Variants in CCDC85C observed in about 807,000 individuals in gnomAD.
CCDC85C encodes the protein coiled-coil domain-containing protein 85C.
In CCDC85C, 18 loss-of-function variants were observed where a neutral mutation model predicts 38.3. The observed-to-expected ratio is 0.47, with a 90% CI of 0.33 to 0.70. The LOEUF (loss-of-function observed/expected upper bound fraction) is 0.70. Among genes scored for constraint, CCDC85C ranks in the 30% least tolerant of loss-of-function variants. The probability of loss-of-function intolerance (pLI) is 0.03; values close to 1 mark genes in which losing one functional copy is unlikely to be tolerated. For synonymous variants in CCDC85C, 264 were observed against 293.8 expected, an observed-to-expected ratio of 0.90 and a Z score of 1.04; for missense variants, 566 against 621.2, an observed-to-expected ratio of 0.91 and a Z score of 0.94.
At chr14:99,543,812 G>A (rs1394112389) in intron 1 of CCDC85C, among the ~76,000 whole-genome samples, 2 of 152,188 alleles carry the variant, frequency 1.3e-5, no homozygotes, top group African/African-American at 4.8e-5. Flanking sequence ...CATTATTTAT[G>A]GATGAAGGCA....
rs1896803258 is a variant in CCDC85C at position 99,500,704 on chromosome 14, T to G, written c.*14542A>C. 1.8e-6 allele frequency: 2 copies of G among 1,081,776 alleles called. No individual in the cohort carries two copies. The highest frequency in any genetic ancestry group is 2.7e-5 in the South Asian group (2 of 73,034). 67.0% of individuals were successfully genotyped at this position (1,081,776 alleles called of 1,614,324 possible). On this transcript the variant is annotated 3_prime_UTR_variant, in exon 6 of 6. Transcript: ENST00000380243. ...ATAAATAGACAGGAAAGCTCACTTT[T>G]GTAATGCTGCTTGAGACCTGCAATT... is the stretch of plus-strand genomic sequence containing the variant.
In CCDC85C at chr14:99,503,883, T is replaced by G; in HGVS notation, c.*11363A>C. On this transcript the variant is annotated 3_prime_UTR_variant, in exon 6 of 6. Coordinates refer to ENST00000380243, the MANE Select transcript of CCDC85C (RefSeq NM_001144995.2). ...TTACTGGCAATAAAAATGTACTCAG[T>G]AACATATATAAAAGTATAATTATGG... 1 of 532,718 alleles carries G rather than the reference T, an allele frequency of 1.9e-6. No individual in the cohort carries two copies. Among genetic ancestry groups the G allele is most frequent in the Non-Finnish European group, 3.3e-6 (1 of 300,360 alleles). The allele number at this position is 532,718 out of a possible 1,614,324, so 33.0% of individuals were successfully genotyped here. A position where few individuals can be genotyped will look rare whatever the true frequency, so the allele number is the denominator to read the frequency against.
intron 3 of CCDC85C, among the ~76,000 whole-genome samples, chr14:99,517,930 G>C (rs1897251006): frequency 6.6e-6 from 1 of 152,222 alleles, no homozygotes; most frequent in Admixed American, 6.5e-5. Flanking sequence ...AGGCTTGGGA[G>C]GAACTTACAA....
chr14:99,522,150 G>T lies in CCDC85C; in HGVS notation c.958C>A (p.Gln320Lys). The change falls in exon 3 of 6, where the codon CAG becomes AAG. Residue 320 changes from glutamine to lysine, a missense_variant. This residue lies in a region of CCDC85C where 286 missense variants were observed against 276.4 expected (regional missense o/e 1.03). Coordinates refer to ENST00000380243, the MANE Select transcript of CCDC85C (RefSeq NM_001144995.2). ...SQLASLPPSY[Q>K]DSLQNGPACP... Reference sequence around the variant, plus strand: ...ACACTCACGTTCTGCAGGGAGTCCTGGTAGGAGGGCGGCAGGGACGCAAGC... The same window carrying T: ...ACACTCACGTTCTGCAGGGAGTCCTTGTAGGAGGGCGGCAGGGACGCAAGC... 4 of 1,550,856 alleles carry T rather than the reference G, an allele frequency of 2.6e-6. No individual in the cohort carries two copies. Among genetic ancestry groups the T allele is most frequent in the Non-Finnish European group, 3.5e-6 (4 of 1,146,688 alleles).
At chr14:99,540,316 C>A (rs1897687353) in intron 1 of CCDC85C, among the ~76,000 whole-genome samples, 1 of 152,154 alleles carries the variant, frequency 6.6e-6, no homozygotes, top group Admixed American at 6.5e-5. Flanking sequence ...GCGTCAGTCA[C>A]CCTTGGGTCA....
chr14:99,603,071 T>C lies in CCDC85C; in HGVS notation c.793+96A>G. ...GGAGGAGTCTGGAGTGGCGGCCGCA[T>C]GAGTGGGACAGCCAGGGACCACCTC... On this transcript the variant is annotated intron_variant, in intron 1 of 5. Transcript: ENST00000380243. This position sits in a 1 kb window ranked among gnomAD's most constrained non-coding sequence, Gnocchi z 7.5. The C allele has an allele frequency of 8.0e-7, 1 of 1,248,826 alleles. No homozygotes were observed. 77.4% of individuals were successfully genotyped at this position (1,248,826 alleles called of 1,614,324 possible).
chr14:99,510,302 GCCCCCAC>G lies in CCDC85C; in HGVS notation c.*4937_*4943del. 1 of 433,122 alleles carries G rather than the reference GCCCCCAC, an allele frequency of 2.3e-6. No individual in the cohort carries two copies. Among genetic ancestry groups the G allele is most frequent in the Non-Finnish European group, 3.4e-6 (1 of 290,910 alleles). 26.8% of individuals were successfully genotyped at this position (433,122 alleles called of 1,614,324 possible). On this transcript the variant is annotated 3_prime_UTR_variant, in exon 6 of 6. Transcript: ENST00000380243. ...CACCGCCGCTGCCACACCGGCCCCC[GCCCCCAC>G]CCCCCTCCAGCTACATGACCGGGAT...
At chr14:99,593,292 G>C (rs1409272567) in intron 1 of CCDC85C, among the ~76,000 whole-genome samples, 1 of 152,266 alleles carries the variant, frequency 6.6e-6, no homozygotes. Flanking sequence ...GGAAGACAAA[G>C]AGATGCTTCC....
rs1156950641 is a variant in CCDC85C, at chr14:99,506,287, A to G, written c.*8959T>C. 2 of 152,274 alleles carry G rather than the reference A, an allele frequency of 1.3e-5. No homozygotes were observed. Among genetic ancestry groups the G allele is most frequent in the African/African-American group, 4.8e-5 (2 of 41,456 alleles). The allele number at this position is 152,274 out of a possible 1,614,324, so 9.4% of individuals were successfully genotyped here. On this transcript the variant is annotated 3_prime_UTR_variant, in exon 6 of 6. Transcript: ENST00000380243. ...TGGTGTACAAGCCAGAAGAAAGTAC[A>G]TTTCAGGAAGAAAAAGCCTCAGCAT...
At chr14:99,571,499 C>T (rs1320032270) in intron 1 of CCDC85C, among the ~76,000 whole-genome samples, 2 of 152,214 alleles carry the variant, frequency 1.3e-5, no homozygotes, top group Non-Finnish European at 1.5e-5. Context: ...AGACGCAGAC[C>T]AAAGGCCCAC....
intron 2 of CCDC85C, chr14:99,523,069 A>G (rs1172981751): frequency 6.6e-6 from 1 of 152,156 alleles, no homozygotes; most frequent in Non-Finnish European, 1.5e-5. Context: ...TTCTGGCCGA[A>G]ACACCCTTTT....
Position 99,505,230 on chromosome 14 carries a change from C to G in CCDC85C, c.*10016G>C, listed in dbSNP as rs1896945179. 6.6e-6 allele frequency: 1 copy of G among 152,306 alleles called. No individual in the cohort carries two copies. The highest frequency in any genetic ancestry group is 2.4e-5 in the African/African-American group (1 of 41,434). The allele number at this position is 152,306 out of a possible 1,614,324, so 9.4% of individuals were successfully genotyped here. A position where few individuals can be genotyped will look rare whatever the true frequency, so the allele number is the denominator to read the frequency against. On this transcript the variant is annotated 3_prime_UTR_variant, in exon 6 of 6. Coordinates refer to ENST00000380243, the MANE Select transcript of CCDC85C (RefSeq NM_001144995.2). ...AGGAATGGGGAGAATCTTGCTGGCA[C>G]TCATGGGAAACATGGTGGCCTCAGC...
At chr14:99,534,832 C>A in intron 2 of CCDC85C, 1 of 645,376 alleles carries the variant, frequency 1.5e-6, no homozygotes, top group Non-Finnish European at 2.8e-6. Context: ...CCATAGGGCA[C>A]CTGACAGCAA....
intron 5 of CCDC85C, among the ~76,000 whole-genome samples, chr14:99,515,852 C>T (rs915577816): frequency 6.6e-6 from 1 of 152,026 alleles, no homozygotes; most frequent in African/African-American, 2.4e-5. Context: ...AGCTGAGAGG[C>T]CCGGGGGCCA....
chr14:99,545,634 T>C lies in CCDC85C; in HGVS notation c.794-9546A>G, dbSNP rs1444933313. Among the ~76,000 whole-genome samples, 1 of 152,082 alleles carries C rather than the reference T, an allele frequency of 6.6e-6. No homozygotes were observed. Among genetic ancestry groups the C allele is most frequent in the Non-Finnish European group, 1.5e-5 (1 of 68,020 alleles). On this transcript the variant is annotated intron_variant, in intron 1 of 5. Coordinates refer to ENST00000380243, the MANE Select transcript of CCDC85C (RefSeq NM_001144995.2). The surrounding 1 kb of genome is among the most constrained non-coding windows in gnomAD (Gnocchi z 4.7). ...CCCCTACCAACCCCAACTTCACTGC[T>C]GAAGTTGGGAATCAGTGATAGATCT...
At chr14:99,580,481 A>C (rs1410953327) in intron 1 of CCDC85C, among the ~76,000 whole-genome samples, 2 of 81,154 alleles carry the variant, frequency 2.5e-5, no homozygotes, top group South Asian at 4.8e-4. Flanking sequence ...GGAGGGGGGG[A>C]AGGGGGCGGG....
chr14:99,546,078 C>T (rs1897802236), intron 1 of CCDC85C, among the ~76,000 whole-genome samples: 1 of 152,024 alleles, frequency 6.6e-6, no homozygotes, highest in Non-Finnish European at 1.5e-5. Context: ...AATAAACAAC[C>T]CTTACCGAGC....
rs1381748835 is a variant in CCDC85C, at chr14:99,503,654, TGTTCTGATGTTTTTTTA to T, written c.*11575_*11591del. On this transcript the variant is annotated 3_prime_UTR_variant, in exon 6 of 6. Coordinates refer to ENST00000380243, the MANE Select transcript of CCDC85C (RefSeq NM_001144995.2). The stretch of plus-strand genomic sequence containing the variant: ...GAGAACAAAGCAGCAGGTAATTTCC[TGTTCTGATGTTTTTTTA>T]GTTTTATGTGTTTATATGCAAAACT... 6.4e-6 allele frequency: 10 copies of T among 1,553,942 alleles called. No individual in the cohort carries two copies. Among genetic ancestry groups the T allele is most frequent in the Non-Finnish European group, 8.7e-6 (10 of 1,147,382 alleles).
At chr14:99,537,342 G>A (rs1566765749) in intron 1 of CCDC85C, among the ~76,000 whole-genome samples, 1 of 152,154 alleles carries the variant, frequency 6.6e-6, no homozygotes. Flanking sequence ...TCCACAGGCT[G>A]TTAACATGCC....
Sources: gnomAD v4.1 joint callset for allele counts (sites outside exome capture counted in the v4.1 genomes callset) on GRCh38, gnomAD v4.1.1 for gene constraint, gnomAD v4.1.1 regional missense constraint, Gnocchi (gnomAD v3.1) non-coding constraint, MANE v1.5 for transcripts, NCBI Gene and HGNC (gene_info 2026-07-23, HGNC 2026-07-21) for gene names.